The following NELL2 variants were observed in gnomAD, a reference collection of about 807,000 sequenced individuals.
NELL2 encodes the protein neural EGFL like 2.
In NELL2, 41 loss-of-function variants were observed where a neutral mutation model predicts 109.6. The ratio of observed to expected loss-of-function variants is 0.37; its 90% confidence interval spans 0.29 to 0.49. NELL2 has a LOEUF of 0.49. Ranked by LOEUF, NELL2 falls within the 20% of genes least tolerant of loss-of-function variation. The pLI is 0.98. For missense variants in NELL2, 900 were observed against 1,008.3 expected, an observed-to-expected ratio of 0.89 and a Z score of 1.45; for synonymous variants, 355 against 344.7, an observed-to-expected ratio of 1.03 and a Z score of -0.33.
chr12:44,704,131 C>T (rs923986965), intron 11 of NELL2, among the ~76,000 whole-genome samples: 2 of 151,848 alleles, frequency 1.3e-5, no homozygotes, highest in African/African-American at 4.8e-5. Flanking sequence ...AATTATAACC[C>T]TCCATATATC....
chr12:44,712,079 C>A (rs1224826834), intron 10 of NELL2, among the ~76,000 whole-genome samples: 1 of 152,004 alleles, frequency 6.6e-6, no homozygotes, highest in African/African-American at 2.4e-5. Context: ...AGTATTCTTG[C>A]CTTAGGAGCA....
intron 12 of NELL2, among the ~76,000 whole-genome samples, chr12:44,686,368 C>G (rs1350435055): frequency 1.3e-5 from 2 of 152,100 alleles, no homozygotes; most frequent in African/African-American, 4.8e-5. Context: ...GAATGTCCTC[C>G]CGTAGCTCGG....
chr12:44,871,975 C>T (rs1945175903), intron 2 of NELL2, among the ~76,000 whole-genome samples: 1 of 152,104 alleles, frequency 6.6e-6, no homozygotes, highest in African/African-American at 2.4e-5. Flanking sequence ...GGAACCTGGC[C>T]AGATTAATTG....
intron 3 of NELL2, among the ~76,000 whole-genome samples, chr12:44,809,243 A>C (rs914688420): frequency 6.6e-6 from 1 of 152,002 alleles, no homozygotes; most frequent in African/African-American, 2.4e-5. Flanking sequence ...ATTTTCAATA[A>C]ATTTCTTTTA....
At chr12:44,784,984 C>G (rs1000719465) in intron 3 of NELL2, among the ~76,000 whole-genome samples, 1 of 152,184 alleles carries the variant, frequency 6.6e-6, no homozygotes, top group African/African-American at 2.4e-5. Context: ...GACAAGGATG[C>G]CCTCTCTCAC....
At chr12:44,806,188 C>T (rs1353762132) in intron 3 of NELL2, among the ~76,000 whole-genome samples, 2 of 151,570 alleles carry the variant, frequency 1.3e-5, no homozygotes, top group Non-Finnish European at 1.5e-5. Flanking sequence ...TTAAATGAAG[C>T]TCATTTATAA....
At chr12:44,820,834 T>C (rs1215892275) in intron 2 of NELL2, among the ~76,000 whole-genome samples, 2 of 152,076 alleles carry the variant, frequency 1.3e-5, no homozygotes, top group Non-Finnish European at 1.5e-5. Flanking sequence ...CATGTGGACA[T>C]GTCCAGTAGA....
intron 2 of NELL2, among the ~76,000 whole-genome samples, chr12:44,834,556 G>A (rs1393317763): frequency 6.6e-6 from 1 of 151,812 alleles, no homozygotes; most frequent in Non-Finnish European, 1.5e-5. Context: ...GCCAGGCCCA[G>A]TGCTGCCCCT....
At chr12:44,778,881 T>C (rs895102636) in intron 5 of NELL2, among the ~76,000 whole-genome samples, 1 of 152,204 alleles carries the variant, frequency 6.6e-6, no homozygotes, top group Non-Finnish European at 1.5e-5. Context: ...CTTTATAGAA[T>C]TATAAACTTT....
At chr12:44,701,995 A>G (rs1949244413) in intron 12 of NELL2, among the ~76,000 whole-genome samples, 1 of 152,098 alleles carries the variant, frequency 6.6e-6, no homozygotes, top group African/African-American at 2.4e-5. Context: ...TTGTTCCTAG[A>G]GCATTCTAAG....
intron 15 of NELL2, among the ~76,000 whole-genome samples, chr12:44,551,713 A>C (rs1943050496): frequency 6.6e-6 from 1 of 152,160 alleles, no homozygotes; most frequent in Non-Finnish European, 1.5e-5. Context: ...TTTGATGAGG[A>C]GATGATGTGA....
chr12:44,806,413 T>C (rs923559111), intron 3 of NELL2, among the ~76,000 whole-genome samples: 2 of 151,870 alleles, frequency 1.3e-5, no homozygotes, highest in African/African-American at 2.4e-5. Flanking sequence ...TTATGAAATA[T>C]GTATTTCATA....
intron 13 of NELL2, among the ~76,000 whole-genome samples, chr12:44,655,999 A>G (rs771475434): frequency 2.0e-5 from 3 of 152,206 alleles, no homozygotes; most frequent in Non-Finnish European, 4.4e-5. Context: ...CAAAAATGCA[A>G]AAGTCATTTC....
intron 9 of NELL2, among the ~76,000 whole-genome samples, chr12:44,750,703 G>A (rs1469267739): frequency 1.3e-5 from 2 of 152,066 alleles, no homozygotes; most frequent in Non-Finnish European, 2.9e-5. Flanking sequence ...AAGCGTTCAG[G>A]AAAACCTTCT....
At chr12:44,848,035 A>AG (rs1944424589) in intron 2 of NELL2, among the ~76,000 whole-genome samples, 1 of 151,472 alleles carries the variant, frequency 6.6e-6, no homozygotes. Context: ...TGTCTCAAAA[A>AG]AAAAAAAAAA....
At chr12:44,726,555 A>G (rs1223666911) in intron 9 of NELL2, among the ~76,000 whole-genome samples, 1 of 152,192 alleles carries the variant, frequency 6.6e-6, no homozygotes, top group Non-Finnish European at 1.5e-5. Context: ...ACCTTAAAAT[A>G]CAATGATTTG....
intron 9 of NELL2, among the ~76,000 whole-genome samples, chr12:44,737,104 T>C (rs1183153158): frequency 3.9e-5 from 6 of 152,094 alleles, no homozygotes; most frequent in African/African-American, 1.4e-4. Context: ...GTAAAAATTA[T>C]GTAAAAATTC....
At chr12:44,542,276 C>T (rs1325302490) in intron 15 of NELL2, among the ~76,000 whole-genome samples, 1 of 148,084 alleles carries the variant, frequency 6.8e-6, no homozygotes, top group Non-Finnish European at 1.5e-5. Flanking sequence ...ACCTCAATGT[C>T]CTCTATATAT....
At chr12:44,852,654 A>C (rs1474592172) in intron 2 of NELL2, among the ~76,000 whole-genome samples, 1 of 152,196 alleles carries the variant, frequency 6.6e-6, no homozygotes, top group Non-Finnish European at 1.5e-5. Context: ...TGACTTTACT[A>C]ATTTGCTGAC....
Sources: allele counts gnomAD v4.1 joint callset (sites outside exome capture counted in the v4.1 genomes callset), GRCh38; gene constraint gnomAD v4.1.1; transcripts MANE v1.5; gene names NCBI Gene and HGNC (gene_info 2026-07-23, HGNC 2026-07-21).